NEB: variants seen among roughly 807,000 people sequenced by gnomAD.
The protein encoded by NEB is nebulin.
NEB carries 512 observed loss-of-function variants against 952.2 expected under a neutral mutation model. That is an observed-to-expected ratio of 0.54 (90% CI 0.50 to 0.58). The LOEUF is 0.58. NEB is among the 20% of genes least tolerant of loss of function. The pLI is 0.00. For missense variants in NEB, 8,428 were observed against 9,231.1 expected (o/e 0.91, Z 3.56); for synonymous variants, 2,900 against 3,149.8 (o/e 0.92, Z 2.66).
intron 27 of NEB, among the ~76,000 whole-genome samples, chr2:151,685,955 T>C (rs542948999): frequency 1.3e-5 from 2 of 152,344 alleles, no homozygotes; most frequent in East Asian, 3.9e-4. Context: ...ATCTTCCTTC[T>C]CATATTTTGT....
At chr2:151,532,254 G>A (rs958724423) in intron 143 of NEB, 1 of 178,000 alleles carries the variant, frequency 5.6e-6, no homozygotes, top group African/African-American at 2.4e-5. Flanking sequence ...CATGTACTCG[G>A]AGGCCCCCAG....
chr2:151,498,914 T>G (rs2153007751), intron 169 of NEB, among the ~76,000 whole-genome samples: 1 of 150,448 alleles, frequency 6.6e-6, no homozygotes, highest in Non-Finnish European at 1.5e-5. Flanking sequence ...CTTCAAAATA[T>G]CTGTACAAAT....
intron 58 of NEB, 22 bp from the exon 59 acceptor site, chr2:151,642,891 G>C (rs751564866): frequency 9.1e-6 from 14 of 1,544,162 alleles, no homozygotes; most frequent in Non-Finnish European, 1.2e-5. Context: ...AGAAAAACAT[G>C]ACTGGTATAG....
intron 142 of NEB, among the ~76,000 whole-genome samples, chr2:151,533,839 A>G (rs1379985099): frequency 6.6e-6 from 1 of 152,268 alleles, no homozygotes; most frequent in African/African-American, 2.4e-5. Flanking sequence ...AGAAAGATAT[A>G]TAGTAAGGAG....
chr2:151,534,809 G>A lies in NEB; in HGVS notation c.21312+882C>T, dbSNP rs972112520. Among the ~76,000 whole-genome samples, 8 of 152,276 alleles carry A rather than the reference G, an allele frequency of 5.3e-5. No individual in the cohort carries two copies. The East Asian group carries it at 1.5e-3, about 29-fold the overall frequency. On this transcript the variant is annotated intron_variant, in intron 142 of 181. Transcript: ENST00000397345. ...GAAAAATAGAAACAAAATATATCAA[G>A]ATTGTATTCATAGGAAGCTACTGGC...
chr2:151,615,205 T>C (rs1343703576), intron 76 of NEB, among the ~76,000 whole-genome samples: 1 of 152,206 alleles, frequency 6.6e-6, no homozygotes, highest in African/African-American at 2.4e-5. Flanking sequence ...AAGAAAAGTT[T>C]TGATAATACG....
chr2:151,531,133 T>A (rs1559602154), intron 144 of NEB, 32 bp from the exon 145 acceptor site: 1 of 1,363,244 alleles, frequency 7.3e-7, no homozygotes, highest in Admixed American at 1.8e-5. Context: ...AGACATCATG[T>A]CATGCTTCTC....
At chr2:151,637,658 A>G (rs1229559493) in intron 63 of NEB, among the ~76,000 whole-genome samples, 1 of 152,108 alleles carries the variant, frequency 6.6e-6, no homozygotes, top group African/African-American at 2.4e-5. Context: ...TTCAGCAAAG[A>G]CAGAGTTGAG....
chr2:151,613,180 G>T (rs1453778629), intron 77 of NEB, among the ~76,000 whole-genome samples: 1 of 152,182 alleles, frequency 6.6e-6, no homozygotes, highest in African/African-American at 2.4e-5. Flanking sequence ...TGATATCAAT[G>T]AGGTAATATT....
chr2:151,722,427 G>A (rs998345147), intron 9 of NEB, among the ~76,000 whole-genome samples: 2 of 152,102 alleles, frequency 1.3e-5, no homozygotes, highest in East Asian at 1.9e-4. Flanking sequence ...CCAAAATTCC[G>A]GCAAGTGGGA....
Position 151,679,798 on chromosome 2 carries a change from T to G in NEB, c.3178A>C (p.Ser1060Arg). Reference protein sequence around the residue: ...NMYKADLKDLSKKGYDLRTDA... With the variant: ...NMYKADLKDLRKKGYDLRTDA... ...GTTCTCAGGTCATATCCCTTCTTGC[T>G]CAAGTCTTTCAAGTCTGCTTTGTAC... Residue 1060 changes from serine (S) to arginine (R), a missense_variant, in exon 32 of 182, where the codon AGC becomes CGC. By Grantham distance (110) the Ser-to-Arg change is moderately radical (BLOSUM62 -1). Around this residue, in one of 11 missense-constraint regions of NEB, gnomAD observed 2,851 missense variants for 2,791.5 expected, o/e 1.02. Transcript: ENST00000397345. 6.2e-7 allele frequency: 1 copy of G among 1,613,850 alleles called. No individual in the cohort carries two copies. The highest frequency in any genetic ancestry group is 8.5e-7 in the Non-Finnish European group (1 of 1,179,792).
chr2:151,509,326 G>A (rs2153224213), intron 161 of NEB, among the ~76,000 whole-genome samples: 1 of 135,500 alleles, frequency 7.4e-6, no homozygotes, highest in Middle Eastern at 4.1e-3. Flanking sequence ...TAGATGTAAG[G>A]AAAACAGTTC....
intron 138 of NEB, among the ~76,000 whole-genome samples, chr2:151,539,858 A>G (rs1198500819): frequency 6.6e-6 from 1 of 152,222 alleles, no homozygotes; most frequent in Admixed American, 6.5e-5. Context: ...AGTAACTAGG[A>G]GCCCAGCAGC....
chr2:151,575,592 G>A lies in NEB; in HGVS notation c.17013+103C>T, dbSNP rs563195889. 83 of 799,960 alleles carry A rather than the reference G, an allele frequency of 1.0e-4. No individual in the cohort carries two copies. The Middle Eastern group carries it at 2.0e-3, about 19-fold the overall frequency. The allele number at this position is 799,960 out of a possible 1,614,324, so 49.6% of individuals were successfully genotyped here. On this transcript the variant is annotated intron_variant, in intron 107 of 181. Transcript: ENST00000397345. Reference sequence around the variant, plus strand: ...ACCACAAGGAGTCTTCCCCTGTTGCGGGAAGTCAGGGACCGAGTCCATCTT... The same window carrying A: ...ACCACAAGGAGTCTTCCCCTGTTGCAGGAAGTCAGGGACCGAGTCCATCTT...
intron 74 of NEB, 86 bp from the exon 75 acceptor site, chr2:151,617,554 C>A: frequency 1.3e-6 from 1 of 794,904 alleles, no homozygotes; most frequent in South Asian, 2.0e-5. Flanking sequence ...ATGTGCCAGT[C>A]ATCTCTCTTG....
At chr2:151,700,875 G>T (rs1237485929) in intron 13 of NEB, among the ~76,000 whole-genome samples, 4 of 93,762 alleles carry the variant, frequency 4.3e-5, no homozygotes, top group Admixed American at 1.3e-4. Flanking sequence ...CTGCCTAATT[G>T]CCCTGGCCAG....
rs566181075 is a variant in NEB at position 151,677,429 on chromosome 2, T to G, written c.3774+136A>C. Reference sequence around the variant, plus strand: ...GTGCCCAAACTACACATAACTGTAATTTTTAAAAAATTAAATAAACAAAAT... The same window carrying G: ...GTGCCCAAACTACACATAACTGTAAGTTTTAAAAAATTAAATAAACAAAAT... On this transcript the variant is annotated intron_variant, in intron 34 of 181. Coordinates refer to ENST00000397345, the MANE Select transcript of NEB (RefSeq NM_001164508.2). The G allele has an allele frequency of 3.5e-4, 235 of 668,568 alleles. 1 individual carries two copies. Among genetic ancestry groups the G allele is most frequent in the African/African-American group, 3.3e-3 (179 of 54,512 alleles). 41.4% of individuals were successfully genotyped at this position (668,568 alleles called of 1,614,324 possible). A position where few individuals can be genotyped will look rare whatever the true frequency, so the allele number is the denominator to read the frequency against.
Position 151,490,486 on chromosome 2 carries a change from G to A in NEB, c.25183C>T (p.Arg8395Ter), listed in dbSNP as rs747179265. 2.5e-6 allele frequency: 4 copies of A among 1,609,356 alleles called. No homozygotes were observed. Among genetic ancestry groups the A allele is most frequent in the South Asian group, 2.2e-5 (2 of 89,644 alleles). ...QAQRRSREQSRSASALSISGG... is the reference protein window; with the variant it reads ...QAQRRSREQS The stretch of plus-strand genomic sequence containing the variant: ...CTGATGCTTAGTGCACTGGCAGATC[G>A]TGACTGCTCCCGGCTCCGGCGCTGA... Residue 8395 changes from arginine to a stop codon, truncating the protein, a stop_gained, in exon 180 of 182, where the codon CGA becomes TGA. Transcript: ENST00000397345. LOFTEE classifies it high-confidence loss of function.
chr2:151,516,370 G>T, intron 157 of NEB, 89 bp downstream of exon 157: 2 of 811,670 alleles, frequency 2.5e-6, no homozygotes. Flanking sequence ...ACCACTTTTG[G>T]ATGACAGGAA....
Sources: allele counts gnomAD v4.1 joint callset (sites outside exome capture counted in the v4.1 genomes callset), GRCh38; gene constraint gnomAD v4.1.1; regional missense constraint gnomAD v4.1.1; transcripts MANE v1.5; gene names NCBI Gene and HGNC (gene_info 2026-07-23, HGNC 2026-07-21).